QRICH1: variants seen among roughly 807,000 people sequenced by gnomAD.
QRICH1 encodes the protein transcriptional regulator QRICH1.
QRICH1 carries 16 observed loss-of-function variants against 87.1 expected under a neutral mutation model. The ratio of observed to expected loss-of-function variants is 0.18; its 90% CI spans 0.12 to 0.28. The LOEUF is 0.28. Among genes scored for constraint, QRICH1 ranks in the 10% least tolerant of loss-of-function variants. The probability of loss-of-function intolerance (pLI) is 1.00; values close to 1 mark genes in which losing one functional copy is unlikely to be tolerated. For synonymous variants in QRICH1, 367 were observed against 368.4 expected (o/e 1.00, Z 0.05); for missense variants, 647 against 951.7 (o/e 0.68, Z 4.21).
intron 1 of QRICH1, among the ~76,000 whole-genome samples, chr3:49,079,108 A>T (rs1199932080): frequency 6.6e-6 from 1 of 151,928 alleles, no homozygotes; most frequent in African/African-American, 2.4e-5. Flanking sequence ...GGTGGTATGC[A>T]CCTGTAGTCC....
Position 49,057,989 on chromosome 3 carries a change from A to C in QRICH1, c.310-99T>G. On this transcript the variant is annotated intron_variant, in intron 2 of 9. Coordinates refer to ENST00000395443, the MANE Select transcript of QRICH1 (RefSeq NM_198880.3). This position sits in a 1 kb window ranked among gnomAD's most constrained non-coding sequence, Gnocchi z 5.4. ...AGAGATCCCAGACAGGGGACCTGCAAAATGTGAGAAAACACTGGCATACTC... is the reference window on the plus strand; with the variant it reads ...AGAGATCCCAGACAGGGGACCTGCACAATGTGAGAAAACACTGGCATACTC... 6.3e-7 allele frequency: 1 copy of C among 1,584,418 alleles called. No homozygotes were observed. Among genetic ancestry groups the C allele is most frequent in the Non-Finnish European group, 8.6e-7 (1 of 1,168,430 alleles).
chr3:49,071,127 T>A (rs2093498093), intron 2 of QRICH1, among the ~76,000 whole-genome samples: 2 of 151,922 alleles, frequency 1.3e-5, no homozygotes, highest in South Asian at 2.1e-4. Flanking sequence ...TGCAGTGGTG[T>A]GACCCTGGCT....
intron 2 of QRICH1, among the ~76,000 whole-genome samples, chr3:49,061,138 A>T (rs1307973045): frequency 1.6e-4 from 3 of 18,652 alleles, no homozygotes; most frequent in East Asian, 0.015. Context: ...CCATCTTAAA[A>T]AAAAAAAAAA....
intron 1 of QRICH1, among the ~76,000 whole-genome samples, chr3:49,092,852 A>G (rs975704946): frequency 6.6e-6 from 1 of 152,200 alleles, no homozygotes; most frequent in African/African-American, 2.4e-5. Context: ...AAGGTAAAGC[A>G]CTGATTCTCA....
intron 1 of QRICH1, among the ~76,000 whole-genome samples, chr3:49,078,675 G>A (rs1365918124): frequency 1.4e-5 from 2 of 144,178 alleles, no homozygotes; most frequent in Non-Finnish European, 1.5e-5. Context: ...GATTACAGGC[G>A]TGAGCCACCA....
At chr3:49,091,483 G>C (rs2042273876) in intron 1 of QRICH1, among the ~76,000 whole-genome samples, 1 of 151,744 alleles carries the variant, frequency 6.6e-6, no homozygotes. Context: ...CACATCCAGA[G>C]CCCCTGACTT....
chr3:49,076,605 A>C, intron 2 of QRICH1, 104 bp downstream of exon 2: 1 of 1,108,542 alleles, frequency 9.0e-7, no homozygotes, highest in Non-Finnish European at 1.2e-6. Context: ...TCTTAGTGTT[A>C]AATAACCTAT....
chr3:49,062,349 A>C (rs1464127531), intron 2 of QRICH1, among the ~76,000 whole-genome samples: 1 of 150,388 alleles, frequency 6.6e-6, no homozygotes, highest in Non-Finnish European at 1.5e-5. Context: ...AAAAAAAAAA[A>C]CAAGAAAAAA....
intron 2 of QRICH1, among the ~76,000 whole-genome samples, chr3:49,072,357 C>G (rs2041852388): frequency 6.6e-6 from 1 of 151,790 alleles, no homozygotes; most frequent in African/African-American, 2.4e-5. Context: ...AATTCTGGCT[C>G]TATCAAAAAT....
chr3:49,060,165 G>A (rs2093426739), intron 2 of QRICH1, among the ~76,000 whole-genome samples: 1 of 150,644 alleles, frequency 6.6e-6, no homozygotes, highest in Admixed American at 6.7e-5. Context: ...TTACAGGCGT[G>A]AGCCACCACG....
intron 2 of QRICH1, among the ~76,000 whole-genome samples, chr3:49,074,017 A>G (rs1417774613): frequency 6.6e-6 from 1 of 151,936 alleles, no homozygotes; most frequent in Non-Finnish European, 1.5e-5. Context: ...TTCTGGACTC[A>G]ATGATCCGTC....
intron 1 of QRICH1, among the ~76,000 whole-genome samples, chr3:49,091,830 G>A (rs1449750241): frequency 6.6e-6 from 1 of 152,184 alleles, no homozygotes; most frequent in African/African-American, 2.4e-5. Context: ...CCAGCACTTT[G>A]GGAGGCCGAG....
intron 3 of QRICH1, among the ~76,000 whole-genome samples, chr3:49,053,426 A>G (rs1266856044): frequency 6.9e-6 from 1 of 145,290 alleles, no homozygotes; most frequent in African/African-American, 2.6e-5. Flanking sequence ...CGGAGGTTGC[A>G]GTGAGCCGAG....
upstream of QRICH1, chr3:49,094,173 G>A (rs2042336842): frequency 1.0e-5 from 4 of 395,146 alleles, no homozygotes; most frequent in Non-Finnish European, 1.8e-5. Flanking sequence ...GCAGGGGAAG[G>A]TGGCCGCGCT....
intron 2 of QRICH1, among the ~76,000 whole-genome samples, chr3:49,058,619 G>A (rs1158120833): frequency 6.6e-6 from 1 of 151,396 alleles, no homozygotes; most frequent in Non-Finnish European, 1.5e-5. Flanking sequence ...AGCCGAAACG[G>A]CCGGCATTTT....
At chr3:49,060,858 C>T (rs1049268893) in intron 2 of QRICH1, among the ~76,000 whole-genome samples, 10 of 151,978 alleles carry the variant, frequency 6.6e-5, no homozygotes, top group African/African-American at 2.2e-4. Flanking sequence ...TGGCCAGGTG[C>T]ATTGGCTCAC....
At chr3:49,038,080 A>T (rs6446218) in intron 6 of QRICH1, among the ~76,000 whole-genome samples, 101,693 of 150,746 alleles carry the variant, frequency 0.67, 34,722 homozygotes, top group East Asian at 0.96. Flanking sequence ...TTTTTTTTTT[A>T]AAACAGAGTC....
At chr3:49,064,843 CCTGT>C (rs2093458089) in intron 2 of QRICH1, among the ~76,000 whole-genome samples, 1 of 151,836 alleles carries the variant, frequency 6.6e-6, no homozygotes, top group African/African-American at 2.4e-5. Flanking sequence ...ATGGTGAAAC[CCTGT>C]CTGTCCTAAA....
intron 1 of QRICH1, among the ~76,000 whole-genome samples, chr3:49,080,332 A>G (rs891690762): frequency 5.3e-5 from 8 of 150,228 alleles, no homozygotes; most frequent in African/African-American, 2.0e-4. Context: ...ATAAAAAGCA[A>G]TTTTTTTTTT....
Sources: allele counts gnomAD v4.1 joint callset (sites outside exome capture counted in the v4.1 genomes callset), GRCh38; gene constraint gnomAD v4.1.1; non-coding constraint Gnocchi (gnomAD v3.1); transcripts MANE v1.5; gene names NCBI Gene and HGNC (gene_info 2026-07-23, HGNC 2026-07-21).